PRCP: variants seen among roughly 807,000 people sequenced by gnomAD.
PRCP encodes the protein lysosomal Pro-X carboxypeptidase.
PRCP carries 46 observed loss-of-function variants against 54.2 expected under a neutral mutation model. The observed-to-expected ratio is 0.85, with a 90% confidence interval of 0.67 to 1.09. The LOEUF is 1.09. PRCP is among the 50% of genes least tolerant of loss of function. The pLI, the probability that PRCP is intolerant of heterozygous loss-of-function variation, is 0.00. For synonymous variants in PRCP, 240 were observed against 212.2 expected, an observed-to-expected ratio of 1.13 and a Z score of -1.14; for missense variants, 613 against 596.8, an observed-to-expected ratio of 1.03 and a Z score of -0.28.
chr11:82,869,660 G>A (rs1859432065), intron 1 of PRCP, among the ~76,000 whole-genome samples: 1 of 152,230 alleles, frequency 6.6e-6, no homozygotes, highest in South Asian at 2.1e-4. Flanking sequence ...TGTAGTAGAA[G>A]ACCAATGAAT....
intron 6 of PRCP, chr11:82,839,954 C>G (rs979532172): frequency 6.5e-6 from 1 of 154,012 alleles, no homozygotes; most frequent in Non-Finnish European, 1.4e-5. Context: ...TATCACAGCC[C>G]CTGTAATGCT....
rs117137228 is a variant in PRCP at position 82,892,226 on chromosome 11, A to G, written c.168+8009T>C. Among the ~76,000 whole-genome samples, 1,107 of 152,308 alleles carry G rather than the reference A, an allele frequency of 7.3e-3. 8 individuals carry two copies. Among genetic ancestry groups the G allele is most frequent in the Admixed American group, 0.011 (167 of 15,304 alleles). ...AACATGACTCACAATATTGTCCTTT[A>G]ATAGCTTAAGACACTTAACCTCTAT... On this transcript the variant is annotated intron_variant, in intron 1 of 8. Coordinates refer to ENST00000313010, the MANE Select transcript of PRCP (RefSeq NM_005040.4).
chr11:82,855,626 A>G (rs186674297), intron 2 of PRCP, among the ~76,000 whole-genome samples: 3 of 152,264 alleles, frequency 2.0e-5, no homozygotes, highest in African/African-American at 7.2e-5. Flanking sequence ...TCAAAAAATA[A>G]TAACAATAAA....
chr11:82,872,457 T>C (rs1859503310), intron 1 of PRCP, among the ~76,000 whole-genome samples: 1 of 152,090 alleles, frequency 6.6e-6, no homozygotes, highest in South Asian at 2.1e-4. Flanking sequence ...CTGGTGTTCT[T>C]ATAAGAAAAG....
intron 1 of PRCP, among the ~76,000 whole-genome samples, chr11:82,864,294 C>T (rs767171853): frequency 6.6e-6 from 1 of 152,342 alleles, no homozygotes; most frequent in Admixed American, 6.5e-5. Context: ...ATTTCCTTGG[C>T]TCCTTCCTAT....
intron 3 of PRCP, 52 bp downstream of exon 3, chr11:82,853,125 T>C (rs1858996905): frequency 2.2e-6 from 3 of 1,368,444 alleles, no homozygotes; most frequent in African/African-American, 3.0e-5. Context: ...TTAGAAACTA[T>C]TCTAAATTGA....
At chr11:82,825,239 G>C in intron 8 of PRCP, 117 bp from the exon 9 acceptor site, 1 of 922,194 alleles carries the variant, frequency 1.1e-6, no homozygotes, top group Non-Finnish European at 1.6e-6. Flanking sequence ...TTGTAACCTG[G>C]GGGATTTGAT....
intron 6 of PRCP, chr11:82,843,212 G>C (rs1445872072): frequency 6.6e-6 from 1 of 152,144 alleles, no homozygotes; most frequent in East Asian, 1.9e-4. Flanking sequence ...AGGAAGCTGA[G>C]GTGGGAGGAT....
chr11:82,878,381 A>G (rs1294700116), intron 1 of PRCP, among the ~76,000 whole-genome samples: 2 of 152,138 alleles, frequency 1.3e-5, no homozygotes, highest in African/African-American at 4.8e-5. Flanking sequence ...CAGGAGTGGT[A>G]TGATATGGTT....
At chr11:82,846,774 T>A (rs747478865) in intron 6 of PRCP, among the ~76,000 whole-genome samples, 12 of 152,226 alleles carry the variant, frequency 7.9e-5, no homozygotes, top group Admixed American at 1.3e-4. Context: ...AAATATTTAT[T>A]CACATGTAAG....
intron 2 of PRCP, among the ~76,000 whole-genome samples, chr11:82,856,887 T>A (rs1045124654): frequency 2.0e-5 from 3 of 151,666 alleles, no homozygotes; most frequent in African/African-American, 7.3e-5. Context: ...ATACAAAAAA[T>A]TAGCCGGGCG....
At chr11:82,895,981 G>A (rs1410136847) in intron 1 of PRCP, among the ~76,000 whole-genome samples, 1 of 152,180 alleles carries the variant, frequency 6.6e-6, no homozygotes, top group Non-Finnish European at 1.5e-5. Flanking sequence ...CCAACACACA[G>A]ACTTGTAACA....
At chr11:82,848,912 C>A in intron 6 of PRCP, 137 bp downstream of exon 6, 1 of 835,512 alleles carries the variant, frequency 1.2e-6, no homozygotes, top group Non-Finnish European at 1.8e-6. Flanking sequence ...GTAGCAGAAC[C>A]CAGGATTCCA....
chr11:82,824,903 T>G lies in PRCP; in HGVS notation c.*3A>C. 1 of 1,612,104 alleles carries G rather than the reference T, an allele frequency of 6.2e-7. No individual in the cohort carries two copies. Among genetic ancestry groups the G allele is most frequent in the Non-Finnish European group, 8.5e-7 (1 of 1,178,712 alleles). On this transcript the variant is annotated 3_prime_UTR_variant, in exon 9 of 9. Coordinates refer to ENST00000313010, the MANE Select transcript of PRCP (RefSeq NM_005040.4). The stretch of plus-strand genomic sequence containing the variant: ...GAAGAAATTGAAAACAATCAAAAGT[T>G]TCTCAGTGCTGCTTTCCCGCACTGT...
chr11:82,847,734 A>C (rs1858841273), intron 6 of PRCP, among the ~76,000 whole-genome samples: 1 of 152,070 alleles, frequency 6.6e-6, no homozygotes, highest in South Asian at 2.1e-4. Context: ...CTGGAACTAC[A>C]GGCAGGCACC....
At chr11:82,860,249 GT>G (rs1222907946) in intron 1 of PRCP, 132 bp from the exon 2 acceptor site, 1 of 501,306 alleles carries the variant, frequency 2.0e-6, no homozygotes. Context: ...AAACTTCACT[GT>G]TTTATTATTA....
At chr11:82,837,076 C>A in intron 8 of PRCP, 1 of 218,944 alleles carries the variant, frequency 4.6e-6, no homozygotes, top group Non-Finnish European at 9.6e-6. Flanking sequence ...AAGGTGATGT[C>A]ACACATGCCA....
In PRCP at chr11:82,900,408, A is replaced by G; in HGVS notation, c.-6T>C. 6.2e-7 allele frequency: 1 copy of G among 1,612,942 alleles called. No homozygotes were observed. Among genetic ancestry groups the G allele is most frequent in the Non-Finnish European group, 8.5e-7 (1 of 1,179,800 alleles). ...AGGAGGGCTCGGCGGCCCATGGCTC[A>G]GGCTGGAGACTGCAGTGCGGGTGGG... On this transcript the variant is annotated 5_prime_UTR_variant, in exon 1 of 9. Coordinates refer to ENST00000313010, the MANE Select transcript of PRCP (RefSeq NM_005040.4).
chr11:82,859,030 A>C (rs560945937), intron 2 of PRCP, among the ~76,000 whole-genome samples: 1 of 152,336 alleles, frequency 6.6e-6, no homozygotes, highest in African/African-American at 2.4e-5. Context: ...AGACCTCCTG[A>C]CTACCAGGCA....
Sources: allele counts gnomAD v4.1 joint callset (sites outside exome capture counted in the v4.1 genomes callset), GRCh38; gene constraint gnomAD v4.1.1; transcripts MANE v1.5; gene names NCBI Gene and HGNC (gene_info 2026-07-23, HGNC 2026-07-21).